C4orf51: variants seen among roughly 807,000 people sequenced by gnomAD.
The protein encoded by C4orf51 is chromosome 4 open reading frame 51.
A neutral mutation model predicts 25.2 loss-of-function variants in C4orf51; 25 were observed. The observed-to-expected ratio is 0.99, with a 90% CI of 0.72 to 1.39. C4orf51 has a LOEUF of 1.39. Among genes scored for constraint, C4orf51 ranks in the 40% most tolerant of loss-of-function variants. The pLI is 0.00. For synonymous variants in C4orf51, 100 were observed against 84.5 expected (o/e 1.18, Z -1.01); for missense variants, 252 against 239.6 (o/e 1.05, Z -0.34).
chr4:145,780,456 G>C, the C4orf51 span, among the ~76,000 whole-genome samples: 1 of 152,130 alleles, frequency 6.6e-6, no homozygotes, highest in African/African-American at 2.4e-5. Context: ...TCTCATATTT[G>C]GGAAAACAGT....
chr4:145,774,345 C>CA (rs1276945712), downstream of C4orf51, among the ~76,000 whole-genome samples: 1 of 152,150 alleles, frequency 6.6e-6, no homozygotes, highest in Admixed American at 6.5e-5. Flanking sequence ...AGTATTATGA[C>CA]TACAGGGAAA....
intron 2 of C4orf51, among the ~76,000 whole-genome samples, chr4:145,701,742 A>G (rs938690097): frequency 1.2e-4 from 18 of 151,980 alleles, no homozygotes; most frequent in African/African-American, 4.4e-4. Flanking sequence ...AGTTATTGAC[A>G]GCCAGGCTTC....
chr4:145,753,589 T>C (rs111271978), intron 1 of C4orf51, among the ~76,000 whole-genome samples: 264 of 152,332 alleles, frequency 1.7e-3, no homozygotes, highest in African/African-American at 5.7e-3. Flanking sequence ...GGGGGAGTTA[T>C]ATGCACAGAG....
At chr4:145,753,171 TGTGTGTG>T (rs1733774661) in intron 1 of C4orf51, among the ~76,000 whole-genome samples, 1 of 148,916 alleles carries the variant, frequency 6.7e-6, no homozygotes, top group African/African-American at 2.6e-5. Flanking sequence ...TGTGTGTGTG[TGTGTGTG>T]TAGTTGTTAA....
chr4:145,729,943 G>A lies in C4orf51; in HGVS notation c.479G>A (p.Arg160Gln), dbSNP rs754400840. The A allele has an allele frequency of 6.8e-6, 11 of 1,613,786 alleles. No individual in the cohort carries two copies. The highest frequency in any genetic ancestry group is 4.5e-5 in the East Asian group (2 of 44,888). ...GAGGCCCTGATAAACTACAGTCGAC[G>A]AGGGAAAGGTGTCCTAAAGCATGTA... ...AQEALINYSR[R>Q]GKGVLKHLHG... The change falls in exon 5 of 6, where the codon CGA becomes CAA. Residue 160 changes from arginine (R) to glutamine (Q), a missense_variant. Coordinates refer to ENST00000438731, the MANE Select transcript of C4orf51 (RefSeq NM_001080531.3).
At chr4:145,702,923 C>T (rs372475835) in intron 2 of C4orf51, among the ~76,000 whole-genome samples, 1,624 of 151,830 alleles carry the variant, frequency 0.011, 22 homozygotes, top group African/African-American at 0.036. Context: ...CCACGCCGCC[C>T]CTAATCCCGC....
At chr4:145,741,712 T>C (rs552587496) in intron 1 of C4orf51, among the ~76,000 whole-genome samples, 81 of 152,248 alleles carry the variant, frequency 5.3e-4, no homozygotes, top group Non-Finnish European at 1.0e-3. Flanking sequence ...TTTTTATTTT[T>C]TTAAAGACAG....
chr4:145,757,510 A>G (rs980564417), downstream of C4orf51: 5 of 152,224 alleles, frequency 3.3e-5, no homozygotes, highest in Non-Finnish European at 7.3e-5. Flanking sequence ...AGGAGTGGAC[A>G]CTTCTGAAAT....
At chr4:145,724,277 G>T (rs1055907041) in intron 2 of C4orf51, among the ~76,000 whole-genome samples, 4 of 152,096 alleles carry the variant, frequency 2.6e-5, no homozygotes, top group African/African-American at 9.7e-5. Flanking sequence ...GGAACAATCA[G>T]CACTAATTGT....
chr4:145,757,007 T>C (rs1733995744), downstream of C4orf51, among the ~76,000 whole-genome samples: 1 of 152,234 alleles, frequency 6.6e-6, no homozygotes, highest in Non-Finnish European at 1.5e-5. Flanking sequence ...TATATTTTTG[T>C]CAACCATCAT....
chr4:145,734,421 G>A (rs572815675), downstream of C4orf51, among the ~76,000 whole-genome samples: 2 of 151,646 alleles, frequency 1.3e-5, no homozygotes, highest in Admixed American at 1.3e-4. Context: ...GGATGGGAGG[G>A]TGGGGAAGAG....
chr4:145,777,696 T>C, the C4orf51 span, among the ~76,000 whole-genome samples: 1 of 152,218 alleles, frequency 6.6e-6, no homozygotes, highest in East Asian at 1.9e-4. Flanking sequence ...GATTTATCTA[T>C]TTTATGGCCA....
the C4orf51 span, among the ~76,000 whole-genome samples, chr4:145,780,156 A>G: frequency 1.4e-4 from 22 of 151,816 alleles, no homozygotes; most frequent in Admixed American, 9.9e-4. Context: ...ACGCCACTGC[A>G]CTCCAGCCTG....
At chr4:145,713,816 T>A (rs1303526454) in intron 2 of C4orf51, among the ~76,000 whole-genome samples, 1 of 152,190 alleles carries the variant, frequency 6.6e-6, no homozygotes, top group Non-Finnish European at 1.5e-5. Flanking sequence ...GGAGTCTCAC[T>A]CTGTTGCCCA....
Position 145,765,204 on chromosome 4 carries a change from A to G in C4orf51, n.167-5784A>G. The stretch of plus-strand genomic sequence containing the variant: ...AGCTGGGTATAGAGGTGCACAGGGC[A>G]GCGGGGAGAGGAGGGCAGGAGTGGA... On this transcript the variant is annotated intron_variant and non_coding_transcript_variant, in intron 1 of 1. Transcript: ENST00000510096. This position sits in a 1 kb window ranked among gnomAD's most constrained non-coding sequence, Gnocchi z 4.7. 1 of 1,548,346 alleles carries G rather than the reference A, an allele frequency of 6.5e-7. No individual in the cohort carries two copies. Among genetic ancestry groups the G allele is most frequent in the South Asian group, 1.3e-5 (1 of 79,834 alleles).
chr4:145,693,233 T>G (rs888377004), intron 1 of C4orf51, among the ~76,000 whole-genome samples: 10 of 149,980 alleles, frequency 6.7e-5, no homozygotes, highest in African/African-American at 2.5e-4. Context: ...TGGTGATGAC[T>G]CTTAACGAGC....
At chr4:145,748,088 A>G (rs1483686013) in intron 1 of C4orf51, among the ~76,000 whole-genome samples, 2 of 151,954 alleles carry the variant, frequency 1.3e-5, no homozygotes, top group African/African-American at 4.8e-5. Context: ...TGGTTCAAGT[A>G]ACTGGGTTTC....
chr4:145,782,017 C>T, the C4orf51 span, among the ~76,000 whole-genome samples: 26,893 of 152,110 alleles, frequency 0.18, 3,371 homozygotes, highest in East Asian at 0.67. Flanking sequence ...TGAAAGCTAC[C>T]GAGGCTGTGC....
At chr4:145,713,407 G>A (rs984500014) in intron 2 of C4orf51, among the ~76,000 whole-genome samples, 1 of 152,206 alleles carries the variant, frequency 6.6e-6, no homozygotes, top group Non-Finnish European at 1.5e-5. Flanking sequence ...CGGGAGTTTG[G>A]AAGAAGTTGA....
Sources: allele counts gnomAD v4.1 joint callset (sites outside exome capture counted in the v4.1 genomes callset), GRCh38; gene constraint gnomAD v4.1.1; non-coding constraint Gnocchi (gnomAD v3.1); transcripts MANE v1.5; gene names NCBI Gene and HGNC (gene_info 2026-07-23, HGNC 2026-07-21).